RPS6KC1: variants seen among roughly 807,000 people sequenced by gnomAD.
RPS6KC1 encodes inactive ribosomal protein S6 kinase delta-1.
In RPS6KC1, 54 loss-of-function variants were observed where a neutral mutation model predicts 103.8. The ratio of observed to expected loss-of-function variants is 0.52; its 90% CI spans 0.42 to 0.65. RPS6KC1 has a LOEUF of 0.65. Among genes scored for constraint, RPS6KC1 ranks in the 30% least tolerant of loss-of-function variants. RPS6KC1 has a pLI of 0.00. For synonymous variants in RPS6KC1, 439 were observed against 438.7 expected, an observed-to-expected ratio of 1.00 and a Z score of -0.01; for missense variants, 1,151 against 1,253.8, an observed-to-expected ratio of 0.92 and a Z score of 1.24.
intron 8 of RPS6KC1, among the ~76,000 whole-genome samples, chr1:213,188,037 A>G (rs76040023): frequency 0.03 from 4,602 of 152,200 alleles, 221 homozygotes; most frequent in African/African-American, 0.11. Context: ...GTTTGTGCCC[A>G]GGAGTCCATA....
the RPS6KC1 span, among the ~76,000 whole-genome samples, chr1:213,578,894 A>T: frequency 1.3e-5 from 2 of 152,168 alleles, no homozygotes; most frequent in East Asian, 3.9e-4. Flanking sequence ...CATGTTGGGA[A>T]GGCATGATTG....
intron 1 of RPS6KC1, among the ~76,000 whole-genome samples, chr1:213,065,619 G>C (rs898941570): frequency 1.3e-5 from 2 of 152,198 alleles, no homozygotes; most frequent in African/African-American, 4.8e-5. Context: ...ACACATTCGG[G>C]AATACTGAAT....
At chr1:213,428,538 C>A in the RPS6KC1 span, among the ~76,000 whole-genome samples, 1 of 111,926 alleles carries the variant, frequency 8.9e-6, no homozygotes, top group Non-Finnish European at 1.8e-5. Flanking sequence ...CTCTCTCTCT[C>A]TCTTTCTTTC....
chr1:213,467,393 C>T, the RPS6KC1 span, among the ~76,000 whole-genome samples: 4 of 152,286 alleles, frequency 2.6e-5, no homozygotes, highest in South Asian at 8.3e-4. Context: ...TTTCCAGGCA[C>T]CTGAATTCTC....
chr1:213,559,305 T>C, the RPS6KC1 span, among the ~76,000 whole-genome samples: 1 of 152,260 alleles, frequency 6.6e-6, no homozygotes, highest in African/African-American at 2.4e-5. Flanking sequence ...TTCTGAAGCT[T>C]ATAGAGCCCT....
the RPS6KC1 span, among the ~76,000 whole-genome samples, chr1:213,510,458 C>T: frequency 1.3e-5 from 2 of 151,990 alleles, no homozygotes; most frequent in African/African-American, 4.8e-5. Flanking sequence ...TACTCTATAC[C>T]CCCTAACTTC....
chr1:213,624,585 C>G, the RPS6KC1 span, among the ~76,000 whole-genome samples: 1 of 152,176 alleles, frequency 6.6e-6, no homozygotes, highest in East Asian at 1.9e-4. Context: ...AGTGGCTAGT[C>G]AGGGATGTCC....
At chr1:213,358,409 G>C in the RPS6KC1 span, among the ~76,000 whole-genome samples, 1 of 152,222 alleles carries the variant, frequency 6.6e-6, no homozygotes, top group Non-Finnish European at 1.5e-5. Flanking sequence ...AGATTTTCTA[G>C]TTTATTTGCA....
the RPS6KC1 span, among the ~76,000 whole-genome samples, chr1:213,510,048 C>G: frequency 2.0e-4 from 30 of 152,182 alleles, no homozygotes; most frequent in Non-Finnish European, 3.5e-4. Flanking sequence ...CTAACAACTT[C>G]TTGGGTTCCT....
intron 6 of RPS6KC1, among the ~76,000 whole-genome samples, chr1:213,138,568 CTGAAT>C (rs1450564170): frequency 6.6e-6 from 1 of 152,124 alleles, no homozygotes; most frequent in Non-Finnish European, 1.5e-5. Context: ...TCCATGTGTA[CTGAAT>C]GTTTAACTTC....
chr1:213,188,718 A>G (rs1413116446), intron 8 of RPS6KC1, among the ~76,000 whole-genome samples: 1 of 152,228 alleles, frequency 6.6e-6, no homozygotes, highest in Non-Finnish European at 1.5e-5. Flanking sequence ...GATGAAAGAA[A>G]TCAGAGGTCT....
the RPS6KC1 span, among the ~76,000 whole-genome samples, chr1:213,399,633 TG>T: frequency 9.2e-5 from 14 of 151,970 alleles, no homozygotes; most frequent in African/African-American, 3.1e-4. Flanking sequence ...CACGGGCCAA[TG>T]GGTGCATGAA....
At chr1:213,771,559 C>A in the RPS6KC1 span, among the ~76,000 whole-genome samples, 1 of 152,178 alleles carries the variant, frequency 6.6e-6, no homozygotes, top group Non-Finnish European at 1.5e-5. Context: ...TATGCTGGGT[C>A]CTGGACCCGG....
At chr1:213,153,904 G>T (rs1444548399) in intron 6 of RPS6KC1, among the ~76,000 whole-genome samples, 2 of 152,004 alleles carry the variant, frequency 1.3e-5, no homozygotes, top group Non-Finnish European at 2.9e-5. Flanking sequence ...GTAATTCTTG[G>T]GAAGGCTTTC....
At chr1:213,470,130 TA>T in the RPS6KC1 span, among the ~76,000 whole-genome samples, 1 of 152,354 alleles carries the variant, frequency 6.6e-6, no homozygotes, top group Non-Finnish European at 1.5e-5. Context: ...TATTTCACAA[TA>T]CCTTTTTAGG....
chr1:213,171,107 G>A (rs994114719), intron 7 of RPS6KC1, among the ~76,000 whole-genome samples: 5 of 152,228 alleles, frequency 3.3e-5, no homozygotes, highest in Admixed American at 2.0e-4. Context: ...TGTTTTAAGT[G>A]TTTGTATTGA....
At chr1:213,156,991 A>T (rs2089960595) in intron 6 of RPS6KC1, among the ~76,000 whole-genome samples, 1 of 152,080 alleles carries the variant, frequency 6.6e-6, no homozygotes, top group Non-Finnish European at 1.5e-5. Context: ...CTTAAGAGGT[A>T]AAAGCTTAGG....
the RPS6KC1 span, among the ~76,000 whole-genome samples, chr1:213,415,124 G>T: frequency 3.9e-5 from 6 of 152,218 alleles, no homozygotes; most frequent in South Asian, 1.2e-3. Flanking sequence ...TATGAGCAAA[G>T]CTGTGCCATT....
chr1:213,771,176 C>G, the RPS6KC1 span, among the ~76,000 whole-genome samples: 108 of 152,136 alleles, frequency 7.1e-4, no homozygotes, highest in African/African-American at 2.5e-3. Flanking sequence ...TAAAGCTTGC[C>G]CCAGGTTCCT....
Sources: allele counts gnomAD v4.1 joint callset (sites outside exome capture counted in the v4.1 genomes callset), GRCh38; gene constraint gnomAD v4.1.1; transcripts MANE v1.5; gene names NCBI Gene and HGNC (gene_info 2026-07-23, HGNC 2026-07-21).